CDA: variants seen among roughly 807,000 people sequenced by gnomAD.
CDA encodes cytidine aminohydrolase.
In CDA, 7 loss-of-function variants were observed where a neutral mutation model predicts 15.0. The observed-to-expected ratio is 0.47, with a 90% CI of 0.26 to 0.87. The LOEUF is 0.87. Ranked by LOEUF, CDA falls within the 40% of genes least tolerant of loss-of-function variation. The probability of loss-of-function intolerance (pLI) is 0.15; values close to 1 mark genes in which losing one functional copy is unlikely to be tolerated. For synonymous variants in CDA, 58 were observed against 73.0 expected (o/e 0.79, Z 1.05); for missense variants, 159 against 182.7 (o/e 0.87, Z 0.75).
intron 1 of CDA, among the ~76,000 whole-genome samples, chr1:20,595,243 A>T (rs1203708894): frequency 1.3e-5 from 2 of 152,154 alleles, no homozygotes; most frequent in Non-Finnish European, 2.9e-5. Context: ...TGAGAGGAAC[A>T]CACCACATTT....
intron 2 of CDA, among the ~76,000 whole-genome samples, chr1:20,610,054 TTG>T: frequency 6.6e-6 from 1 of 151,962 alleles, no homozygotes; most frequent in African/African-American, 2.4e-5. Context: ...GGTTGGTTGG[TTG>T]GTTGGGTGGT....
rs576536688 is a variant in CDA, at chr1:20,591,077, C to T, written c.154+1794C>T. On this transcript the variant is annotated intron_variant, in intron 1 of 3. Coordinates refer to ENST00000375071, the MANE Select transcript of CDA (RefSeq NM_001785.3). ...CACAATAGTCGGGCATGGTGGCTCA[C>T]GCCTGTAACCCCAGCACTTTGGGAG... Among the ~76,000 whole-genome samples, 43 of 152,234 alleles carry T rather than the reference C, an allele frequency of 2.8e-4. 1 individual carries two copies. The South Asian group carries it at 7.3e-3, about 26-fold the overall frequency.
At position 20,594,119 on chromosome 1, in the gene CDA, CAAG is replaced by C. The variant is rs531131326; in HGVS notation, c.154+4838_154+4840del. 1.7e-3 allele frequency among the ~76,000 whole-genome samples: 266 copies of C among 152,332 alleles called. 1 individual carries two copies. Among genetic ancestry groups the C allele is most frequent in the African/African-American group, 5.4e-3 (224 of 41,574 alleles). ...GTCTGTGACTTTCTCCAGCTAAACA[CAAG>C]ACCGGCACAGGTGAAGGCTTCCCCC... On this transcript the variant is annotated intron_variant, in intron 1 of 3. Transcript: ENST00000375071.
Position 20,606,044 on chromosome 1 carries a change from C to T in CDA, c.266+1005C>T, listed in dbSNP as rs566867086. On this transcript the variant is annotated intron_variant, in intron 2 of 3. Coordinates refer to ENST00000375071, the MANE Select transcript of CDA (RefSeq NM_001785.3). ...GCCTTTTATAAGATCCTACACTTTG[C>T]CTCAGTCTGGCCCCAAGGAGACCCA... Among the ~76,000 whole-genome samples the T allele has an allele frequency of 1.8e-4, 22 of 125,440 alleles. 5 individuals carry two copies. The highest frequency in any genetic ancestry group is 2.2e-4 in the African/African-American group (8 of 35,696). The allele number at this position is 125,440 out of a possible 152,430, so 82.3% of individuals were successfully genotyped here.
At chr1:20,612,993 TGC>T in intron 2 of CDA, among the ~76,000 whole-genome samples, 1 of 147,700 alleles carries the variant, frequency 6.8e-6, no homozygotes, top group Non-Finnish European at 1.5e-5. Context: ...TACACAGACG[TGC>T]GTGACACCAG....
chr1:20,615,872 C>T (rs1001067926), intron 3 of CDA, among the ~76,000 whole-genome samples: 3 of 152,088 alleles, frequency 2.0e-5, no homozygotes, highest in African/African-American at 4.8e-5. Context: ...ATAGTGTGCA[C>T]GCCTGTGGTC....
chr1:20,589,848 G>A (rs1016163254), intron 1 of CDA, among the ~76,000 whole-genome samples: 6 of 152,164 alleles, frequency 3.9e-5, no homozygotes, highest in Non-Finnish European at 8.8e-5. Flanking sequence ...CGTGTTTGTC[G>A]GGGGTGGTCG....
intron 1 of CDA, among the ~76,000 whole-genome samples, chr1:20,601,790 A>G (rs942318514): frequency 6.6e-6 from 1 of 152,226 alleles, no homozygotes; most frequent in Non-Finnish European, 1.5e-5. Context: ...TGTGATCAAC[A>G]CGGAACAAAA....
At chr1:20,613,689 C>G (rs546584311) in intron 2 of CDA, among the ~76,000 whole-genome samples, 153 bp from the exon 3 acceptor site, 7 of 152,292 alleles carry the variant, frequency 4.6e-5, no homozygotes, top group Admixed American at 4.6e-4. Flanking sequence ...GTGGCCTTCT[C>G]AGCCTTCAGG....
chr1:20,600,093 T>A (rs1167077202), intron 1 of CDA, among the ~76,000 whole-genome samples: 1 of 152,212 alleles, frequency 6.6e-6, no homozygotes, highest in Non-Finnish European at 1.5e-5. Context: ...TCTTTCTCAT[T>A]AACTGGCCTA....
intron 3 of CDA, among the ~76,000 whole-genome samples, chr1:20,614,636 A>AG (rs2052785686): frequency 6.6e-6 from 1 of 152,238 alleles, no homozygotes. Flanking sequence ...GAGGAAAAAA[A>AG]TGAGACAGAC....
chr1:20,600,750 T>C (rs1570379464), intron 1 of CDA, among the ~76,000 whole-genome samples: 1 of 75,774 alleles, frequency 1.3e-5, no homozygotes, highest in African/African-American at 4.6e-5. Flanking sequence ...TGAGACTCTG[T>C]CTCAAAAAAA....
intron 1 of CDA, among the ~76,000 whole-genome samples, chr1:20,604,712 T>C (rs2052677385): frequency 6.6e-6 from 1 of 152,156 alleles, no homozygotes; most frequent in South Asian, 2.1e-4. Context: ...TTGGGTAAAT[T>C]AAGACAGTGC....
At chr1:20,608,864 C>T (rs560344234) in intron 2 of CDA, among the ~76,000 whole-genome samples, 59 of 152,288 alleles carry the variant, frequency 3.9e-4, no homozygotes, top group Admixed American at 2.4e-3. Flanking sequence ...TCATGATCTA[C>T]AGCATGCAGG....
At chr1:20,611,703 TC>T (rs1336181945) in intron 2 of CDA, among the ~76,000 whole-genome samples, 4 of 152,130 alleles carry the variant, frequency 2.6e-5, no homozygotes, top group African/African-American at 7.2e-5. Flanking sequence ...TAGGGACCAA[TC>T]CTTGTCCTGC....
chr1:20,599,647 T>TAAAATAAAATAAAAC (rs568052436), intron 1 of CDA, among the ~76,000 whole-genome samples: 12,327 of 146,274 alleles, frequency 0.084, 698 homozygotes, highest in Admixed American at 0.14. Context: ...TAAAATAAAA[T>TAAAATAAAATAAAAC]AAAACAAAAT....
At chr1:20,598,251 T>A (rs1008708867) in intron 1 of CDA, among the ~76,000 whole-genome samples, 3 of 152,156 alleles carry the variant, frequency 2.0e-5, no homozygotes, top group African/African-American at 7.2e-5. Flanking sequence ...AATACCGCTA[T>A]AAAAAGGGCT....
chr1:20,614,543 GA>G, intron 3 of CDA, among the ~76,000 whole-genome samples: 1 of 152,332 alleles, frequency 6.6e-6, no homozygotes, highest in South Asian at 2.1e-4. Flanking sequence ...GTCCTTGACA[GA>G]AAAAGGTTTG....
At chr1:20,610,261 C>CTTTTTTTTTTTTTTTTTTTTTTTTT (rs760754305) in intron 2 of CDA, among the ~76,000 whole-genome samples, 8 of 62,970 alleles carry the variant, frequency 1.3e-4, no homozygotes, top group South Asian at 4.1e-4. Context: ...CACACATTAT[C>CTTTTTTTTTTTTTTTTTTTTTTTTT]TTTTTTTTTT....
Sources: gnomAD v4.1 joint callset for allele counts (sites outside exome capture counted in the v4.1 genomes callset) on GRCh38, gnomAD v4.1.1 for gene constraint, MANE v1.5 for transcripts, NCBI Gene and HGNC (gene_info 2026-07-23, HGNC 2026-07-21) for gene names.